The following DNMBP variants were observed in gnomAD, a reference collection of about 807,000 sequenced individuals.
DNMBP encodes the protein dynamin-binding protein.
DNMBP carries 87 observed loss-of-function variants against 150.0 expected under a neutral mutation model. That is an observed-to-expected ratio of 0.58 (90% CI 0.49 to 0.69). The LOEUF (loss-of-function observed/expected upper bound fraction) is 0.69, where lower values mean the gene tolerates loss of function less well. DNMBP is among the 30% of genes least tolerant of loss of function. DNMBP has a pLI of 0.00. For synonymous variants in DNMBP, 711 were observed against 750.4 expected (o/e 0.95, Z 0.86); for missense variants, 1,774 against 1,949.0 (o/e 0.91, Z 1.69).
chr10:99,898,125 T>C lies in DNMBP; in HGVS notation c.2881A>G (p.Asn961Asp), dbSNP rs866355850. ...TNAVLAVKEI[N>D]VNINEYKRRK... ...CGTTTATATTCATTAATGTTAACGT[T>C]GATTTCCTTGACCGCAAGGACTGCA... The change falls in exon 9 of 17, where the codon AAC becomes GAC. Residue 961 changes from asparagine (N) to aspartate (D), a missense_variant. This residue lies in a region of DNMBP where 1,430 missense variants were observed against 1,492.5 expected (regional missense o/e 0.96). Transcript: ENST00000324109. The C allele has an allele frequency of 2.5e-6, 4 of 1,614,154 alleles. No individual in the cohort carries two copies. The Middle Eastern group carries it at 6.6e-4, about 266-fold the overall frequency.
intron 4 of DNMBP, among the ~76,000 whole-genome samples, chr10:99,917,864 G>C (rs2039981055): frequency 6.6e-6 from 1 of 151,502 alleles, no homozygotes; most frequent in South Asian, 2.1e-4. Context: ...AGCTACTCAG[G>C]AGGCTGAGGC....
At chr10:99,987,649 C>T (rs190138357) in intron 1 of DNMBP, among the ~76,000 whole-genome samples, 250 of 151,918 alleles carry the variant, frequency 1.6e-3, no homozygotes, top group African/African-American at 5.0e-3. Flanking sequence ...AGGAGGATCA[C>T]TTGAACCCAG....
intron 1 of DNMBP, among the ~76,000 whole-genome samples, chr10:99,977,676 C>T (rs948676334): frequency 2.0e-4 from 30 of 152,194 alleles, no homozygotes; most frequent in Non-Finnish European, 2.9e-4. Flanking sequence ...TGGTCTACAG[C>T]AGTGCCTGGC....
intron 11 of DNMBP, among the ~76,000 whole-genome samples, chr10:99,892,788 G>A (rs1018159395): frequency 2.0e-5 from 3 of 151,896 alleles, no homozygotes; most frequent in African/African-American, 7.3e-5. Context: ...ACTAAAACAC[G>A]AGAATTTTTA....
chr10:100,005,784 ACC>A (rs1491108301), intron 1 of DNMBP, among the ~76,000 whole-genome samples: 7,953 of 122,876 alleles, frequency 0.065, 591 homozygotes, highest in African/African-American at 0.15. Context: ...AAAAAAAAAA[ACC>A]AAACTACATA....
At position 99,955,682 on chromosome 10, in the gene DNMBP, CG is replaced by C. The variant is rs747987999; in HGVS notation, c.1791del (p.Glu598SerfsTer11). On this transcript the variant is annotated frameshift_variant, in exon 4 of 17. Coordinates refer to ENST00000324109, the MANE Select transcript of DNMBP (RefSeq NM_015221.4). LOFTEE classifies it high-confidence loss of function. ...TTTCTCCTTTCCGGCAGCTCCTGCT[CG>C]GTGATTAACTTTGAGGAACCTCGGA... ...DIVRGSSKLITEQELPERRKA... is the reference protein window; with the variant it reads ...DIVRGSSKLIXEQELPERRKA... 1 of 1,614,184 alleles carries C rather than the reference CG, an allele frequency of 6.2e-7. No homozygotes were observed. Among genetic ancestry groups the C allele is most frequent in the Non-Finnish European group, 8.5e-7 (1 of 1,180,042 alleles).
At position 99,955,634 on chromosome 10, in the gene DNMBP, G is replaced by T. The variant is rs759618419; in HGVS notation, c.1840C>A (p.Arg614Ser). ...GAAGTGGATACCGGAGTACAGGGAC[G>T]AGGTGGCGGTGGCCTTAGGGCCTTT... ...RRKALRPPPP[R>S]PCTPVSTSPH... The change falls in exon 4 of 17, where the codon CGT becomes AGT. Residue 614 changes from arginine to serine, a missense_variant. By Grantham distance (110) the Arg-to-Ser change is moderately radical (BLOSUM62 -1). Coordinates refer to ENST00000324109, the MANE Select transcript of DNMBP (RefSeq NM_015221.4). The T allele has an allele frequency of 6.2e-7, 1 of 1,614,108 alleles. No individual in the cohort carries two copies. The highest frequency in any genetic ancestry group is 8.5e-7 in the Non-Finnish European group (1 of 1,180,052).
At chr10:99,929,719 C>T (rs1369259237) in intron 4 of DNMBP, 1 of 702,960 alleles carries the variant, frequency 1.4e-6, no homozygotes, top group East Asian at 2.7e-5. Flanking sequence ...AATTTTTTCT[C>T]TTCCTCTAAA....
intron 15 of DNMBP, among the ~76,000 whole-genome samples, chr10:99,880,579 G>A (rs1223427836): frequency 6.6e-6 from 1 of 152,158 alleles, no homozygotes; most frequent in East Asian, 1.9e-4. Context: ...ATGTGTGTAG[G>A]TAGAGATGAA....
In DNMBP at chr10:99,884,072, C is replaced by T. The variant is rs2039415009; in HGVS notation, c.3936G>A (p.Val1312=). The T allele has an allele frequency of 6.2e-7, 1 of 1,614,112 alleles. No homozygotes were observed. The highest frequency in any genetic ancestry group is 8.5e-7 in the Non-Finnish European group (1 of 1,180,040). Residue 1312 remains valine, a synonymous_variant, in exon 15 of 17, where the codon GTG becomes GTA. Coordinates refer to ENST00000324109, the MANE Select transcript of DNMBP (RefSeq NM_015221.4). ...LDVSLLEGDL[V]GVIKKKDPMG... is the part of the protein sequence containing the mutation. ...TGGGGTCTTTTTTCTTAATCACACC[C>T]ACCAGGTCACCTTCCAAAAGTGAGA...
chr10:99,931,015 T>C, intron 4 of DNMBP: 1 of 378,028 alleles, frequency 2.6e-6, no homozygotes, highest in Non-Finnish European at 4.7e-6. Flanking sequence ...AGTATGCATG[T>C]GATTGGAGTT....
intron 3 of DNMBP, among the ~76,000 whole-genome samples, chr10:99,958,906 T>C (rs574486215): frequency 6.6e-6 from 1 of 152,238 alleles, no homozygotes; most frequent in Non-Finnish European, 1.5e-5. Flanking sequence ...TCGTAAGAAA[T>C]TACCAATCGT....
chr10:99,978,010 C>G (rs1277742558), intron 1 of DNMBP, among the ~76,000 whole-genome samples: 1 of 152,194 alleles, frequency 6.6e-6, no homozygotes, highest in Non-Finnish European at 1.5e-5. Flanking sequence ...AGACGGTACA[C>G]TAAGAACAAC....
chr10:99,904,296 A>T (rs974930021), intron 6 of DNMBP, among the ~76,000 whole-genome samples: 1 of 152,118 alleles, frequency 6.6e-6, no homozygotes, highest in Non-Finnish European at 1.5e-5. Context: ...CTAAGCACAG[A>T]CATACACAGA....
intron 4 of DNMBP, among the ~76,000 whole-genome samples, chr10:99,942,273 A>G (rs1488972303): frequency 1.3e-5 from 2 of 152,124 alleles, no homozygotes; most frequent in Non-Finnish European, 2.9e-5. Flanking sequence ...ACAAAAAGGC[A>G]AAAAAATATA....
chr10:100,003,041 T>C (rs530760823), intron 1 of DNMBP, among the ~76,000 whole-genome samples: 17 of 151,766 alleles, frequency 1.1e-4, no homozygotes, highest in Non-Finnish European at 2.5e-4. Flanking sequence ...GAAAGAAAAA[T>C]GAATAAGAAG....
intron 4 of DNMBP, chr10:99,930,666 T>G: frequency 1.4e-6 from 1 of 702,978 alleles, no homozygotes. Context: ...AAGGTTCCTT[T>G]TCCGTACACT....
intron 4 of DNMBP, among the ~76,000 whole-genome samples, chr10:99,914,448 T>G (rs2039938986): frequency 6.6e-6 from 1 of 152,132 alleles, no homozygotes; most frequent in South Asian, 2.1e-4. Flanking sequence ...CAGTTGCCTG[T>G]TTAGTCTGCT....
At chr10:100,003,269 C>G (rs2041035765) in intron 1 of DNMBP, among the ~76,000 whole-genome samples, 1 of 152,188 alleles carries the variant, frequency 6.6e-6, no homozygotes, top group Non-Finnish European at 1.5e-5. Context: ...ATTGCTTGAA[C>G]CTGGGAGGCG....
Sources: gnomAD v4.1 joint callset for allele counts (sites outside exome capture counted in the v4.1 genomes callset) on GRCh38, gnomAD v4.1.1 for gene constraint, gnomAD v4.1.1 regional missense constraint, MANE v1.5 for transcripts, NCBI Gene and HGNC (gene_info 2026-07-23, HGNC 2026-07-21) for gene names.